MPP7: variants seen among roughly 807,000 people sequenced by gnomAD.
The protein encoded by MPP7 is MAGUK p55 subfamily member 7.
MPP7 carries 60 observed loss-of-function variants against 76.5 expected under a neutral mutation model. That is an observed-to-expected ratio of 0.78 (90% CI 0.64 to 0.97). The LOEUF is 0.97. Ranked by LOEUF, MPP7 falls within the 50% of genes least tolerant of loss-of-function variation. The pLI is 0.00. For synonymous variants in MPP7, 237 were observed against 244.5 expected, an observed-to-expected ratio of 0.97 and a Z score of 0.29; for missense variants, 641 against 694.0, an observed-to-expected ratio of 0.92 and a Z score of 0.86.
chr10:28,056,557 C>A lies in MPP7; in HGVS notation c.1474G>T (p.Glu492Ter), dbSNP rs769152875. Residue 492 changes from glutamate (E) to a stop codon, truncating the protein, a stop_gained, in exon 16 of 17, where the codon GAG becomes TAG. Transcript: ENST00000683449. LOFTEE classifies it high-confidence loss of function. ...YVIFIKPPSI[E>*]RLRETRKNAK... ...TTTTTTCTTGTTTCTCTCAAACGCT[C>A]TATTGATGGAGGCTTTATAAATATC... The A allele has an allele frequency of 1.2e-6, 2 of 1,612,410 alleles. No individual in the cohort carries two copies. Among genetic ancestry groups the A allele is most frequent in the Non-Finnish European group, 1.7e-6 (2 of 1,179,650 alleles).
intron 2 of MPP7, among the ~76,000 whole-genome samples, chr10:28,212,827 C>T (rs903038660): frequency 2.6e-5 from 4 of 152,132 alleles, no homozygotes; most frequent in African/African-American, 4.8e-5. Context: ...TTTAGCAATG[C>T]GCAGGGTACT....
At chr10:28,274,723 C>T (rs558972719) in intron 1 of MPP7, among the ~76,000 whole-genome samples, 1 of 152,302 alleles carries the variant, frequency 6.6e-6, no homozygotes, top group African/African-American at 2.4e-5. Context: ...TGGATGACTT[C>T]CTCTCTACTT....
At chr10:28,138,395 A>C (rs567717462) in intron 5 of MPP7, among the ~76,000 whole-genome samples, 1 of 152,362 alleles carries the variant, frequency 6.6e-6, no homozygotes, top group African/African-American at 2.4e-5. Flanking sequence ...TCATCACTGC[A>C]GGAAGTATTC....
At chr10:28,297,924 A>G (rs932108564) in intron 1 of MPP7, among the ~76,000 whole-genome samples, 2 of 152,194 alleles carry the variant, frequency 1.3e-5, no homozygotes, top group Non-Finnish European at 2.9e-5. Flanking sequence ...ACTCTCTCTC[A>G]AGAAGCCACT....
At chr10:28,167,199 T>C (rs1836502707) in intron 3 of MPP7, among the ~76,000 whole-genome samples, 1 of 152,040 alleles carries the variant, frequency 6.6e-6, no homozygotes, top group African/African-American at 2.4e-5. Context: ...TAATCCCAGC[T>C]ACTCGGGAGG....
At chr10:28,092,450 T>G (rs1476804596) in intron 11 of MPP7, among the ~76,000 whole-genome samples, 1 of 152,130 alleles carries the variant, frequency 6.6e-6, no homozygotes, top group Non-Finnish European at 1.5e-5. Flanking sequence ...GGTGGAATTA[T>G]AAAATCACAC....
At chr10:28,257,668 C>T (rs913750477) in intron 1 of MPP7, among the ~76,000 whole-genome samples, 6 of 149,736 alleles carry the variant, frequency 4.0e-5, no homozygotes, top group Non-Finnish European at 7.4e-5. Context: ...GTGGGTGCAG[C>T]GCACCAGCAT....
intron 3 of MPP7, among the ~76,000 whole-genome samples, chr10:28,193,421 C>T (rs1837476872): frequency 6.6e-6 from 1 of 152,066 alleles, no homozygotes. Flanking sequence ...ACCATGTTAG[C>T]CAGATGGTCT....
At chr10:28,290,256 C>G (rs1433947538) in intron 1 of MPP7, among the ~76,000 whole-genome samples, 1 of 151,552 alleles carries the variant, frequency 6.6e-6, no homozygotes, top group Non-Finnish European at 1.5e-5. Flanking sequence ...CTAAGTGGCC[C>G]CACTCACGAA....
chr10:28,097,894 C>A (rs1220614466), intron 11 of MPP7, among the ~76,000 whole-genome samples: 2 of 152,102 alleles, frequency 1.3e-5, no homozygotes, highest in Non-Finnish European at 2.9e-5. Context: ...AATGCAGGAC[C>A]ATGACTAGAA....
At chr10:28,159,731 T>C (rs1238262374) in intron 3 of MPP7, among the ~76,000 whole-genome samples, 1 of 152,188 alleles carries the variant, frequency 6.6e-6, no homozygotes, top group Non-Finnish European at 1.5e-5. Context: ...TGAGATGCAA[T>C]GTGGACCCTG....
In MPP7 at chr10:28,278,432, TACAA is replaced by T. The variant is rs1159068191; in HGVS notation, c.-132+24425_-132+24428del. On this transcript the variant is annotated intron_variant, in intron 1 of 16. Coordinates refer to ENST00000683449, the MANE Select transcript of MPP7 (RefSeq NM_001318170.2). ...TTAAATTCCTAATCAATTTAAGGCA[TACAA>T]ACAAAGATTTTTAGGAAATGTTAGA... Among the ~76,000 whole-genome samples the T allele has an allele frequency of 7.2e-5, 11 of 152,252 alleles. No individual in the cohort carries two copies. The East Asian group carries it at 1.9e-3, about 27-fold the overall frequency.
At chr10:28,296,694 A>G (rs568233220) in intron 1 of MPP7, among the ~76,000 whole-genome samples, 1 of 152,356 alleles carries the variant, frequency 6.6e-6, no homozygotes, top group East Asian at 1.9e-4. Context: ...CTCTTTCATA[A>G]GTAAAGCAAG....
At chr10:28,184,206 TTA>T (rs55897856) in intron 3 of MPP7, among the ~76,000 whole-genome samples, 3 of 147,802 alleles carry the variant, frequency 2.0e-5, no homozygotes, top group Admixed American at 6.8e-5. Context: ...ATATATATCT[TTA>T]TATGTTAAAT....
chr10:28,057,985 G>C (rs547513218), intron 15 of MPP7: 1 of 689,978 alleles, frequency 1.4e-6, no homozygotes, highest in Non-Finnish European at 2.0e-6. Flanking sequence ...GACAGGTGCA[G>C]ACATGGCAGT....
chr10:28,331,343 T>C (rs1589050798), intron 1 of MPP7, among the ~76,000 whole-genome samples: 1 of 152,260 alleles, frequency 6.6e-6, no homozygotes, highest in East Asian at 1.9e-4. Flanking sequence ...AAGTTTCTAA[T>C]GTCAAATGCA....
rs536443406 is a variant in MPP7 at position 28,312,114 on chromosome 10, A to C, written c.-132+17815T>G. Among the ~76,000 whole-genome samples, 313 of 152,268 alleles carry C rather than the reference A, an allele frequency of 2.1e-3. 1 individual carries two copies. Among genetic ancestry groups the C allele is most frequent in the Middle Eastern group, 6.8e-3 (2 of 294 alleles). ...CAGCAAGATTTATTGTGAAGAGCGA[A>C]AGAACAAAGCTTCCACAGCGTGAAA... On this transcript the variant is annotated intron_variant, in intron 2 of 11. Coordinates refer to the MPP7 transcript ENST00000441595.
At chr10:28,249,277 A>C (rs1175567600) in intron 1 of MPP7, among the ~76,000 whole-genome samples, 1 of 152,136 alleles carries the variant, frequency 6.6e-6, no homozygotes, top group Non-Finnish European at 1.5e-5. Context: ...GAAAACTGTC[A>C]ACAAATTAGA....
chr10:28,300,424 A>C (rs1207676933), intron 1 of MPP7, among the ~76,000 whole-genome samples: 1 of 152,196 alleles, frequency 6.6e-6, no homozygotes, highest in Non-Finnish European at 1.5e-5. Flanking sequence ...TTTTCTGTAT[A>C]ATCAACAGAT....
Sources: gnomAD v4.1 joint callset for allele counts (sites outside exome capture counted in the v4.1 genomes callset) on GRCh38, gnomAD v4.1.1 for gene constraint, MANE v1.5 for transcripts, NCBI Gene and HGNC (gene_info 2026-07-23, HGNC 2026-07-21) for gene names.